UMAD1: variants seen among roughly 807,000 people sequenced by gnomAD.
The protein encoded by UMAD1 is UBAP1-MVB12-associated (UMA)-domain containing protein 1.
In UMAD1, 8 loss-of-function variants were observed where a neutral mutation model predicts 6.1. That is an observed-to-expected ratio of 1.30 (90% CI 0.76 to 2.35). The LOEUF (loss-of-function observed/expected upper bound fraction) is 2.35. Among genes scored for constraint, UMAD1 ranks in the 30% most tolerant of loss-of-function variants. UMAD1 has a pLI of 0.00. For synonymous variants in UMAD1, 56 were observed against 31.4 expected (o/e 1.78, Z -2.61); for missense variants, 130 against 78.4 (o/e 1.66, Z -2.49).
chr7:7,737,542 CATGA>C (rs113666382), intron 2 of UMAD1, among the ~76,000 whole-genome samples: 13,219 of 152,222 alleles, frequency 0.087, 684 homozygotes, highest in African/African-American at 0.14. Context: ...ACTGCCACAG[CATGA>C]ATGAAGAACT....
rs191706194 is a variant in UMAD1, at chr7:7,670,555, A to G, written c.-63-2754A>G. Among the ~76,000 whole-genome samples the G allele has an allele frequency of 6.5e-4, 99 of 152,268 alleles. 2 individuals are homozygous for G. The highest frequency in any genetic ancestry group is 9.8e-4 in the Admixed American group (15 of 15,298). On this transcript the variant is annotated intron_variant, in intron 1 of 3. Coordinates refer to ENST00000682710, the MANE Select transcript of UMAD1 (RefSeq NM_001302348.2). ...TATTCAGATCTGTCTCTCTACTACT[A>G]TAGGCAAAGTAACTCACCCCTCCCC...
intron 2 of UMAD1, among the ~76,000 whole-genome samples, chr7:7,766,117 G>C (rs1781981304): frequency 6.6e-6 from 1 of 152,168 alleles, no homozygotes; most frequent in Non-Finnish European, 1.5e-5. Flanking sequence ...TTCTTTTAAT[G>C]TTAACAGTGA....
rs746451086 is a variant in UMAD1 at position 7,872,236 on chromosome 7, A to T, written c.157-5045A>T. Among the ~76,000 whole-genome samples, 13 of 152,276 alleles carry T rather than the reference A, an allele frequency of 8.5e-5. No individual in the cohort carries two copies. The East Asian group carries it at 1.7e-3, about 20-fold the overall frequency. ...AATTGCATTAAAGTGAGCCACATAA[A>T]TTTTTTTGTTTCCCACTACATATAA... On this transcript the variant is annotated intron_variant, in intron 3 of 3. Coordinates refer to ENST00000682710, the MANE Select transcript of UMAD1 (RefSeq NM_001302348.2).
chr7:7,811,633 C>T (rs1423982289), intron 3 of UMAD1, among the ~76,000 whole-genome samples: 5 of 152,230 alleles, frequency 3.3e-5, no homozygotes, highest in African/African-American at 4.8e-5. Context: ...CTTTGGAAAG[C>T]GAACTGGGGT....
At position 7,723,693 on chromosome 7, in the gene UMAD1, A is replaced by C. The variant is rs116037443; in HGVS notation, c.82+50240A>C. Among the ~76,000 whole-genome samples, 1,248 of 152,312 alleles carry C rather than the reference A, an allele frequency of 8.2e-3. 27 individuals are homozygous for C. Among genetic ancestry groups the C allele is most frequent in the African/African-American group, 0.029 (1,199 of 41,570 alleles). On this transcript the variant is annotated intron_variant, in intron 2 of 3. Coordinates refer to ENST00000682710, the MANE Select transcript of UMAD1 (RefSeq NM_001302348.2). ...TAACAGTGGCAACCATAGTCACTCAACTACAAAATTTAAATATGATGGGAA... is the reference window on the plus strand; with the variant it reads ...TAACAGTGGCAACCATAGTCACTCACCTACAAAATTTAAATATGATGGGAA...
intron 2 of UMAD1, chr7:7,742,256 G>A (rs12702641): frequency 0.64 from 426,787 of 667,584 alleles, 139,182 homozygotes; most frequent in East Asian, 0.92. Flanking sequence ...AACATCCACA[G>A]TGAACACAAG....
At chr7:7,688,693 A>G (rs1463153445) in intron 2 of UMAD1, among the ~76,000 whole-genome samples, 2 of 152,072 alleles carry the variant, frequency 1.3e-5, no homozygotes, top group Non-Finnish European at 2.9e-5. Context: ...TTGTTTTGTA[A>G]TGTTATTTAC....
At chr7:7,690,536 T>A (rs1371145749) in intron 2 of UMAD1, among the ~76,000 whole-genome samples, 1 of 152,188 alleles carries the variant, frequency 6.6e-6, no homozygotes, top group East Asian at 1.9e-4. Flanking sequence ...TGCAGTTTTT[T>A]AATATTTTGC....
At chr7:7,711,759 G>A (rs1780769885) in intron 2 of UMAD1, among the ~76,000 whole-genome samples, 1 of 151,814 alleles carries the variant, frequency 6.6e-6, no homozygotes, top group African/African-American at 2.4e-5. Flanking sequence ...AATGACTTAT[G>A]TTTTTCTTTT....
chr7:7,650,849 GT>G (rs1039917713), intron 1 of UMAD1, among the ~76,000 whole-genome samples: 5 of 152,134 alleles, frequency 3.3e-5, no homozygotes, highest in African/African-American at 4.8e-5. Context: ...GACATTCCAG[GT>G]TCTGGCCATG....
intron 1 of UMAD1, among the ~76,000 whole-genome samples, chr7:7,648,559 AAAAT>A (rs1392760287): frequency 6.6e-6 from 1 of 152,214 alleles, no homozygotes; most frequent in Non-Finnish European, 1.5e-5. Flanking sequence ...ATTTATAAAG[AAAAT>A]AAAATTGGCA....
chr7:7,863,246 C>A (rs13233755), intron 3 of UMAD1, among the ~76,000 whole-genome samples: 6,333 of 152,168 alleles, frequency 0.042, 238 homozygotes, highest in South Asian at 0.16. Flanking sequence ...AGTCACTAAC[C>A]TCTGAGCCTC....
chr7:7,827,184 A>G (rs570127859), intron 3 of UMAD1, among the ~76,000 whole-genome samples: 3 of 104,408 alleles, frequency 2.9e-5, no homozygotes, highest in Admixed American at 9.4e-5. Flanking sequence ...TGTGTATCAC[A>G]TGAAAATTTA....
At chr7:7,649,723 A>G (rs1039365746) in intron 1 of UMAD1, among the ~76,000 whole-genome samples, 1 of 115,082 alleles carries the variant, frequency 8.7e-6, no homozygotes, top group Non-Finnish European at 1.8e-5. Flanking sequence ...ACCTGCTGCC[A>G]TGGTCCGAAT....
At chr7:7,769,858 T>G (rs1259635140) in intron 2 of UMAD1, among the ~76,000 whole-genome samples, 1 of 152,088 alleles carries the variant, frequency 6.6e-6, no homozygotes, top group Non-Finnish European at 1.5e-5. Context: ...TGAGAGCTGT[T>G]GGTGATTTAT....
chr7:7,857,846 G>A (rs550766901), intron 3 of UMAD1, among the ~76,000 whole-genome samples: 1 of 152,144 alleles, frequency 6.6e-6, no homozygotes, highest in East Asian at 1.9e-4. Context: ...TTTGTTTTGG[G>A]AGAAAACATA....
chr7:7,647,058 A>G (rs1394624021), intron 1 of UMAD1, among the ~76,000 whole-genome samples: 2 of 151,986 alleles, frequency 1.3e-5, no homozygotes, highest in African/African-American at 2.4e-5. Context: ...TCTTTTATTT[A>G]TTCTCCAAGA....
chr7:7,851,073 A>C (rs1449230777), intron 3 of UMAD1, among the ~76,000 whole-genome samples: 2 of 152,198 alleles, frequency 1.3e-5, no homozygotes, highest in East Asian at 3.8e-4. Context: ...TTGGAAGTAA[A>C]AGTGAAATTT....
intron 2 of UMAD1, among the ~76,000 whole-genome samples, chr7:7,790,954 G>A (rs1254870120): frequency 6.6e-6 from 1 of 152,072 alleles, no homozygotes; most frequent in African/African-American, 2.4e-5. Context: ...GCAATGGTGC[G>A]ATCTTGGCTC....
Sources: gnomAD v4.1 joint callset for allele counts (sites outside exome capture counted in the v4.1 genomes callset) on GRCh38, gnomAD v4.1.1 for gene constraint, MANE v1.5 for transcripts, NCBI Gene and HGNC (gene_info 2026-07-23, HGNC 2026-07-21) for gene names.